Variants in ARHGAP21 observed in about 807,000 individuals in gnomAD.
ARHGAP21 encodes the protein rho GTPase-activating protein 21.
Under a neutral mutation model 164.6 loss-of-function variants are expected in ARHGAP21, and 38 were observed. The observed-to-expected ratio is 0.23, with a 90% CI of 0.18 to 0.30. The LOEUF (loss-of-function observed/expected upper bound fraction) is 0.30. Ranked by LOEUF, ARHGAP21 falls within the 10% of genes least tolerant of loss-of-function variation. The pLI is 1.00. For synonymous variants in ARHGAP21, 766 were observed against 857.9 expected (o/e 0.89, Z 1.87); for missense variants, 1,822 against 2,370.7 (o/e 0.77, Z 4.81).
At position 24,621,375 on chromosome 10, in the gene ARHGAP21, T is replaced by C. The variant is rs925065162; in HGVS notation, c.526-6A>G. The C allele has an allele frequency of 2.5e-6, 4 of 1,573,750 alleles. No homozygotes were observed. Among genetic ancestry groups the C allele is most frequent in the East Asian group, 2.3e-5 (1 of 44,160 alleles). ...TAGGCATCTTGAGAATATGCCTGTA[T>C]AGAAATGAGAGGAAGGTGTCACTGG... is the stretch of plus-strand genomic sequence containing the variant. On this transcript the variant is annotated splice_polypyrimidine_tract_variant and splice_region_variant and intron_variant, in intron 8 of 25. Transcript: ENST00000396432.
intron 13 of ARHGAP21, 78 bp from the exon 14 acceptor site, chr10:24,601,008 C>A: frequency 6.7e-7 from 1 of 1,498,008 alleles, no homozygotes; most frequent in Admixed American, 2.0e-5. Context: ...TTAAGCAACA[C>A]CCTTCCTCTG....
At chr10:24,697,576 G>A (rs1024998286) in intron 2 of ARHGAP21, among the ~76,000 whole-genome samples, 2 of 151,974 alleles carry the variant, frequency 1.3e-5, no homozygotes, top group Non-Finnish European at 2.9e-5. Flanking sequence ...TGATGAGCTG[G>A]CCAGGCACGG....
chr10:24,680,199 T>C (rs1451604251), intron 2 of ARHGAP21, among the ~76,000 whole-genome samples: 2 of 152,320 alleles, frequency 1.3e-5, no homozygotes, highest in East Asian at 1.9e-4. Context: ...ATTTTCTCTA[T>C]GTTAAATTGT....
chr10:24,690,604 A>G (rs10828687), intron 2 of ARHGAP21, among the ~76,000 whole-genome samples: 125,607 of 152,012 alleles, frequency 0.83, 52,223 homozygotes, highest in African/African-American at 0.93. Context: ...CAAGACAGGC[A>G]CATCACCTGA....
intron 9 of ARHGAP21, among the ~76,000 whole-genome samples, chr10:24,609,161 A>G (rs377175560): frequency 2.0e-5 from 3 of 152,340 alleles, no homozygotes; most frequent in Non-Finnish European, 2.9e-5. Flanking sequence ...GTATGAATAC[A>G]TCTTTAATTA....
intron 4 of ARHGAP21, among the ~76,000 whole-genome samples, chr10:24,651,623 CA>C (rs1394678360): frequency 3.9e-5 from 6 of 152,164 alleles, no homozygotes; most frequent in African/African-American, 1.4e-4. Context: ...AAGCATCACA[CA>C]CTGTGGACAA....
chr10:24,687,806 C>T (rs1477109229), intron 2 of ARHGAP21, among the ~76,000 whole-genome samples: 1 of 152,102 alleles, frequency 6.6e-6, no homozygotes, highest in Non-Finnish European at 1.5e-5. Context: ...ACCAGCAATA[C>T]CAAGCACGAA....
Position 24,586,113 on chromosome 10 carries a change from A to C in ARHGAP21, c.4183-7T>G, listed in dbSNP as rs1444500521. 3 of 1,562,326 alleles carry C rather than the reference A, an allele frequency of 1.9e-6. No homozygotes were observed. Among genetic ancestry groups the C allele is most frequent in the African/African-American group, 2.8e-5 (2 of 72,492 alleles). Reference sequence around the variant, plus strand: ...TTCCAGATCCCCAAGAACCCTGGGAAGCAAGAGAGAAGAAAGACTCTGAGC... The same window carrying C: ...TTCCAGATCCCCAAGAACCCTGGGACGCAAGAGAGAAGAAAGACTCTGAGC... On this transcript the variant is annotated splice_polypyrimidine_tract_variant and splice_region_variant and intron_variant, in intron 25 of 25. Coordinates refer to ENST00000396432, the MANE Select transcript of ARHGAP21 (RefSeq NM_020824.4).
In ARHGAP21 at chr10:24,615,783, T is replaced by C. The variant is rs553388358; in HGVS notation, c.2422+3690A>G. On this transcript the variant is annotated intron_variant, in intron 9 of 25. Transcript: ENST00000396432. ...TTTTTGTTATTTTATTATTTTATTT[T>C]ATTTTTTGAGTGGAGTCTCACTATT... is the stretch of plus-strand genomic sequence containing the variant. 3.9e-5 allele frequency among the ~76,000 whole-genome samples: 6 copies of C among 152,302 alleles called. No homozygotes were observed. In the South Asian group the frequency reaches 1.0e-3, roughly 26 times the overall value.
At chr10:24,666,391 C>T (rs1840203979) in intron 4 of ARHGAP21, among the ~76,000 whole-genome samples, 1 of 152,142 alleles carries the variant, frequency 6.6e-6, no homozygotes, top group Admixed American at 6.5e-5. Flanking sequence ...CATGAAAATT[C>T]TCTGTACTAT....
At chr10:24,599,351 A>C (rs938788643) in intron 14 of ARHGAP21, among the ~76,000 whole-genome samples, 2 of 152,230 alleles carry the variant, frequency 1.3e-5, no homozygotes, top group African/African-American at 2.4e-5. Context: ...TTTTGCAAAA[A>C]TTCAGGTCTG....
At position 24,591,632 on chromosome 10, in the gene ARHGAP21, C is replaced by T. The variant is rs1284765013; in HGVS notation, c.4044+10G>A. On this transcript the variant is annotated intron_variant, in intron 23 of 25. Transcript: ENST00000396432. ...ACTACTGAGTACAAATGCTGACAGA[C>T]AATACTTACAAGAGGCTCTTCAGCA... 6.2e-7 allele frequency: 1 copy of T among 1,613,744 alleles called. No individual in the cohort carries two copies. The highest frequency in any genetic ancestry group is 8.5e-7 in the Non-Finnish European group (1 of 1,179,704).
At chr10:24,676,543 G>A (rs895757954) in intron 2 of ARHGAP21, among the ~76,000 whole-genome samples, 5 of 152,194 alleles carry the variant, frequency 3.3e-5, no homozygotes, top group African/African-American at 9.7e-5. Flanking sequence ...AAAGCGGGGA[G>A]GGTGGAAAGG....
At chr10:24,629,898 A>T (rs747726169) in intron 7 of ARHGAP21, 98 bp downstream of exon 7, 7 of 899,192 alleles carry the variant, frequency 7.8e-6, no homozygotes, top group Non-Finnish European at 5.4e-6. Context: ...AAATTCTAGA[A>T]TTTTTTTTAA....
intron 9 of ARHGAP21, among the ~76,000 whole-genome samples, chr10:24,609,781 C>T (rs1314940522): frequency 6.6e-6 from 1 of 152,152 alleles, no homozygotes; most frequent in African/African-American, 2.4e-5. Flanking sequence ...TCCAATTTAT[C>T]TTATTTTCCA....
intron 2 of ARHGAP21, among the ~76,000 whole-genome samples, chr10:24,679,813 AG>A (rs1185491603): frequency 6.6e-6 from 1 of 152,214 alleles, no homozygotes; most frequent in Non-Finnish European, 1.5e-5. Flanking sequence ...TTTAAGTTTC[AG>A]GGTACATGTG....
At chr10:24,690,837 A>ATAT (rs1555011110) in intron 2 of ARHGAP21, among the ~76,000 whole-genome samples, 1 of 147,140 alleles carries the variant, frequency 6.8e-6, no homozygotes, top group South Asian at 2.1e-4. Flanking sequence ...CAAAAAAAAA[A>ATAT]ATATATATAT....
intron 2 of ARHGAP21, among the ~76,000 whole-genome samples, chr10:24,680,859 T>C (rs1188706339): frequency 1.3e-5 from 2 of 152,166 alleles, no homozygotes; most frequent in East Asian, 3.9e-4. Flanking sequence ...TTCCCTAATG[T>C]GAGTGCCAAT....
At chr10:24,714,228 C>G (rs1845136740) in intron 2 of ARHGAP21, 1 of 152,290 alleles carries the variant, frequency 6.6e-6, no homozygotes, top group East Asian at 1.9e-4. Flanking sequence ...CTTAAATCAG[C>G]ATATTGTTAA....
Sources: gnomAD v4.1 joint callset for allele counts (sites outside exome capture counted in the v4.1 genomes callset) on GRCh38, gnomAD v4.1.1 for gene constraint, MANE v1.5 for transcripts, NCBI Gene and HGNC (gene_info 2026-07-23, HGNC 2026-07-21) for gene names.